The following DOCK3 variants were observed in gnomAD, a reference collection of about 807,000 sequenced individuals.
The protein encoded by DOCK3 is dedicator of cytokinesis protein 3.
DOCK3 carries 60 observed loss-of-function variants against 265.6 expected under a neutral mutation model. The observed-to-expected ratio is 0.23, with a 90% CI of 0.18 to 0.28. DOCK3 has a LOEUF of 0.28. Among genes scored for constraint, DOCK3 ranks in the 10% least tolerant of loss-of-function variants. The pLI is 1.00. For synonymous variants in DOCK3, 881 were observed against 938.0 expected (o/e 0.94, Z 1.11); for missense variants, 1,981 against 2,594.3 (o/e 0.76, Z 5.14).
intron 5 of DOCK3, among the ~76,000 whole-genome samples, chr3:51,057,197 T>G (rs1184886784): frequency 6.6e-6 from 1 of 152,230 alleles, no homozygotes; most frequent in Non-Finnish European, 1.5e-5. Context: ...ATATTCTTTT[T>G]TTCTGCAGAG....
chr3:51,042,115 C>T (rs2080558029), intron 5 of DOCK3, among the ~76,000 whole-genome samples: 1 of 152,180 alleles, frequency 6.6e-6, no homozygotes, highest in South Asian at 2.1e-4. Context: ...GAAAACCTGG[C>T]AGAGACACAA....
chr3:51,233,697 T>C (rs1336751315), intron 19 of DOCK3, among the ~76,000 whole-genome samples: 1 of 152,160 alleles, frequency 6.6e-6, no homozygotes, highest in African/African-American at 2.4e-5. Flanking sequence ...TAATTATGCT[T>C]GTAGAGGTCT....
At chr3:51,059,909 C>T (rs949066356) in intron 5 of DOCK3, among the ~76,000 whole-genome samples, 7 of 152,112 alleles carry the variant, frequency 4.6e-5, no homozygotes, top group African/African-American at 1.7e-4. Flanking sequence ...AATTTTCTCC[C>T]TCTAATAGAT....
chr3:50,814,749 T>A (rs2043973437), intron 2 of DOCK3, among the ~76,000 whole-genome samples: 2 of 152,184 alleles, frequency 1.3e-5, no homozygotes, highest in Admixed American at 1.3e-4. Flanking sequence ...AAGTCAAATT[T>A]TTTTAGTTTT....
At chr3:51,125,730 CTT>C (rs757450556) in intron 9 of DOCK3, among the ~76,000 whole-genome samples, 3 of 152,058 alleles carry the variant, frequency 2.0e-5, no homozygotes, top group Non-Finnish European at 4.4e-5. Flanking sequence ...CTTAAATACT[CTT>C]ATATCTTGTT....
chr3:50,891,316 A>G (rs1046252909), intron 4 of DOCK3, among the ~76,000 whole-genome samples: 3 of 152,244 alleles, frequency 2.0e-5, no homozygotes, highest in East Asian at 1.9e-4. Flanking sequence ...ATGCCTTCCA[A>G]TATAAAATTT....
chr3:50,948,117 C>T (rs1178645829), intron 5 of DOCK3, among the ~76,000 whole-genome samples: 2 of 147,914 alleles, frequency 1.4e-5, no homozygotes, highest in East Asian at 3.9e-4. Flanking sequence ...AGTGCAGTGG[C>T]GCGATCTCGG....
chr3:50,998,863 T>A (rs1559916825), intron 5 of DOCK3, among the ~76,000 whole-genome samples: 1 of 152,220 alleles, frequency 6.6e-6, no homozygotes, highest in Non-Finnish European at 1.5e-5. Context: ...GCAGTGTGAT[T>A]AAAAAGATTA....
chr3:51,378,293 T>A (rs1018674938), intron 51 of DOCK3, among the ~76,000 whole-genome samples: 1 of 152,196 alleles, frequency 6.6e-6, no homozygotes, highest in Non-Finnish European at 1.5e-5. Flanking sequence ...TGCTGCAAGC[T>A]CACGCCAGTT....
At chr3:50,694,279 T>TAA (rs373461281) in intron 1 of DOCK3, among the ~76,000 whole-genome samples, 2 of 146,804 alleles carry the variant, frequency 1.4e-5, no homozygotes, top group African/African-American at 5.0e-5. Context: ...CCAAAAAAAC[T>TAA]AAAAAAAAAA....
intron 1 of DOCK3, among the ~76,000 whole-genome samples, chr3:50,687,293 G>T (rs112879712): frequency 0.04 from 6,038 of 152,126 alleles, 194 homozygotes; most frequent in Non-Finnish European, 0.051. Context: ...GTTTGGCTTC[G>T]AATGCAGCCA....
At chr3:50,939,883 A>C (rs1176457094) in intron 5 of DOCK3, among the ~76,000 whole-genome samples, 4 of 152,186 alleles carry the variant, frequency 2.6e-5, no homozygotes, top group Non-Finnish European at 5.9e-5. Context: ...AGAAAACGAG[A>C]GATATACAGA....
At chr3:51,307,878 G>GTTTTTTTT (rs1197872774) in intron 27 of DOCK3, among the ~76,000 whole-genome samples, 2 of 42,022 alleles carry the variant, frequency 4.8e-5, no homozygotes, top group African/African-American at 8.3e-5. Context: ...AAATTATATG[G>GTTTTTTTT]GTTTTTTTTT....
At chr3:50,979,384 A>C (rs565577116) in intron 5 of DOCK3, among the ~76,000 whole-genome samples, 6 of 152,298 alleles carry the variant, frequency 3.9e-5, no homozygotes, top group Non-Finnish European at 5.9e-5. Context: ...GATAGGGCTC[A>C]GTGGGAGGTG....
chr3:51,051,867 G>C (rs1250309574), intron 5 of DOCK3, among the ~76,000 whole-genome samples: 3 of 152,018 alleles, frequency 2.0e-5, no homozygotes, highest in African/African-American at 4.8e-5. Context: ...TGGGAGCAAG[G>C]GGGTGGGAGA....
chr3:51,004,569 CTT>C (rs1653853432), intron 5 of DOCK3, among the ~76,000 whole-genome samples: 1 of 151,868 alleles, frequency 6.6e-6, no homozygotes, highest in Non-Finnish European at 1.5e-5. Context: ...GTTTATGAAA[CTT>C]TGGAACCATG....
chr3:50,758,419 G>GT (rs1040924095), intron 1 of DOCK3, among the ~76,000 whole-genome samples: 1 of 151,266 alleles, frequency 6.6e-6, no homozygotes, highest in Non-Finnish European at 1.5e-5. Flanking sequence ...CTGTATCTCT[G>GT]TTTTTTTATT....
At chr3:50,771,016 A>T (rs1444854977) in intron 1 of DOCK3, among the ~76,000 whole-genome samples, 1 of 152,206 alleles carries the variant, frequency 6.6e-6, no homozygotes, top group South Asian at 2.1e-4. Context: ...CATTGGGGAA[A>T]ATCTCCAGGA....
rs2086785313 is a variant in DOCK3, at chr3:51,173,372, C to T, written c.1037+12670C>T. Among the ~76,000 whole-genome samples the T allele has an allele frequency of 3.9e-5, 6 of 152,316 alleles. No individual in the cohort carries two copies. In the South Asian group the frequency reaches 1.2e-3, roughly 32 times the overall value. On this transcript the variant is annotated intron_variant, in intron 12 of 52. Coordinates refer to ENST00000266037, the MANE Select transcript of DOCK3 (RefSeq NM_004947.5). ...TCCTGGGCTCAAGTGATCTGCCTGC[C>T]TCAGCCTCCCAAAGTGCTAGGATTA...
Sources: gnomAD v4.1 joint callset for allele counts (sites outside exome capture counted in the v4.1 genomes callset) on GRCh38, gnomAD v4.1.1 for gene constraint, MANE v1.5 for transcripts, NCBI Gene and HGNC (gene_info 2026-07-23, HGNC 2026-07-21) for gene names.